Variants in ITPRID1 observed in about 807,000 individuals in gnomAD.
The protein encoded by ITPRID1 is ITPR interacting domain containing 1.
In ITPRID1, 96 loss-of-function variants were observed where a neutral mutation model predicts 95.4. The observed-to-expected ratio is 1.01, with a 90% CI of 0.85 to 1.19. ITPRID1 has a LOEUF of 1.19. Ranked by LOEUF, ITPRID1 falls within the 50% of genes most tolerant of loss-of-function variation. The pLI is 0.00. For missense variants in ITPRID1, 1,339 were observed against 1,252.9 expected, an observed-to-expected ratio of 1.07 and a Z score of -1.04; for synonymous variants, 510 against 453.6, an observed-to-expected ratio of 1.12 and a Z score of -1.58.
intron 10 of ITPRID1, among the ~76,000 whole-genome samples, chr7:31,587,069 A>G (rs1785646728): frequency 6.6e-6 from 1 of 152,214 alleles, no homozygotes; most frequent in Admixed American, 6.5e-5. Flanking sequence ...TTCCTTTTGA[A>G]AACTGGCACA....
chr7:31,595,342 G>T (rs1370819217), intron 10 of ITPRID1, among the ~76,000 whole-genome samples: 3 of 51,528 alleles, frequency 5.8e-5, no homozygotes, highest in Admixed American at 2.5e-4. Context: ...ACCATGCCCG[G>T]CCTACACACA....
intron 5 of ITPRID1, among the ~76,000 whole-genome samples, chr7:31,556,292 T>G (rs769126296): frequency 4.0e-5 from 6 of 151,656 alleles, no homozygotes; most frequent in Non-Finnish European, 8.8e-5. Context: ...TCAGCAAGAT[T>G]TTTAATAAAA....
intron 1 of ITPRID1, chr7:31,517,953 C>G (rs1783102752): frequency 6.6e-6 from 1 of 152,304 alleles, no homozygotes; most frequent in Admixed American, 6.5e-5. Context: ...TGCCTCCCCA[C>G]AACAAAGATG....
chr7:31,558,059 A>G (rs190402558), intron 5 of ITPRID1, among the ~76,000 whole-genome samples: 5 of 152,240 alleles, frequency 3.3e-5, no homozygotes. Context: ...TGAGTTATTT[A>G]TCATGGGATT....
intron 10 of ITPRID1, among the ~76,000 whole-genome samples, chr7:31,631,560 G>A (rs1357285674): frequency 6.6e-6 from 1 of 152,114 alleles, no homozygotes; most frequent in Non-Finnish European, 1.5e-5. Flanking sequence ...AAAAGCAAGA[G>A]TATTGAGCCA....
chr7:31,569,766 T>A lies in ITPRID1; in HGVS notation c.265T>A (p.Tyr89Asn). 1 of 1,584,100 alleles carries A rather than the reference T, an allele frequency of 6.3e-7. No individual in the cohort carries two copies. The highest frequency in any genetic ancestry group is 1.3e-5 in the African/African-American group (1 of 74,718). ...QQVIDRTVSL[Y>N]EQGMVQMTVK... ...TTTTTTTGTTGTTGCAGTTTCTTTG[T>A]ATGAACAAGGGATGGTTCAAATGAC... Residue 89 changes from tyrosine to asparagine, a missense_variant, in exon 6 of 15, where the codon TAT (tyrosine) becomes AAT (asparagine). Transcript: ENST00000615280.
chr7:31,630,543 T>C (rs1788899633), intron 10 of ITPRID1, among the ~76,000 whole-genome samples: 1 of 152,154 alleles, frequency 6.6e-6, no homozygotes, highest in African/African-American at 2.4e-5. Context: ...GAATTTCAGC[T>C]CAGCAGAAAA....
chr7:31,618,353 G>T (rs527281714), intron 10 of ITPRID1, among the ~76,000 whole-genome samples: 1 of 120,668 alleles, frequency 8.3e-6, no homozygotes, highest in East Asian at 2.8e-4. Flanking sequence ...TCTTTGGGAG[G>T]TTCCTCCCCT....
intron 1 of ITPRID1, among the ~76,000 whole-genome samples, chr7:31,544,183 T>C (rs934051309): frequency 1.3e-5 from 2 of 152,122 alleles, no homozygotes; most frequent in African/African-American, 2.4e-5. Flanking sequence ...CAGCTTCAAG[T>C]TTTCACCATT....
chr7:31,557,972 A>C (rs1784505502), intron 5 of ITPRID1, among the ~76,000 whole-genome samples: 1 of 152,204 alleles, frequency 6.6e-6, no homozygotes, highest in Non-Finnish European at 1.5e-5. Context: ...GACAGCATTG[A>C]AAAGTGGGAC....
intron 13 of ITPRID1, 104 bp from the exon 14 acceptor site, chr7:31,651,835 T>C: frequency 1.3e-6 from 1 of 745,340 alleles, no homozygotes; most frequent in Non-Finnish European, 2.2e-6. Context: ...TGACATTCTC[T>C]TTTAAGAAAT....
rs1032047910 is a variant in ITPRID1 at position 31,652,956 on chromosome 7, A to G, written c.*127A>G. 26 of 1,472,640 alleles carry G rather than the reference A, an allele frequency of 1.8e-5. No individual in the cohort carries two copies. In the African/African-American group the frequency reaches 3.2e-4, roughly 18 times the overall value. 91.2% of individuals were successfully genotyped at this position (1,472,640 alleles called of 1,614,324 possible). ...TTGTCAGCTATATCTCTCATATTCTACCCTTTGGTTAAACCCAAGAGGAGT... is the reference window on the plus strand; with the variant it reads ...TTGTCAGCTATATCTCTCATATTCTGCCCTTTGGTTAAACCCAAGAGGAGT... On this transcript the variant is annotated 3_prime_UTR_variant, in exon 15 of 15. Coordinates refer to ENST00000615280, the MANE Select transcript of ITPRID1 (RefSeq NM_001257967.3).
rs1374609981 is a variant in ITPRID1 at position 31,642,893 on chromosome 7, T to C, written c.1523T>C (p.Leu508Pro). The C allele has an allele frequency of 1.2e-6, 2 of 1,613,884 alleles. No homozygotes were observed. The highest frequency in any genetic ancestry group is 3.3e-5 in the Admixed American group (2 of 60,000). ...TCTGTGATGGAGGAAGAGTTTCTGC[T>C]TGAGGCCATGGAGGGGCCACCAGAG... ...SVSVMEEEFL[L>P]EAMEGPPELY... is the part of the protein sequence containing the mutation. Residue 508 changes from leucine (L) to proline (P), a missense_variant, in exon 12 of 15, where the codon CTT becomes CCT. Physicochemically the swap from Leu to Pro is moderately conservative, Grantham distance 98. Transcript: ENST00000615280.
Position 31,583,169 on chromosome 7 carries a change from T to C in ITPRID1, c.1206T>C (p.Leu402=). ...QSFEEETGNP[L]DMTSGTVGAR... is the part of the protein sequence containing the mutation. ...TTGAAGAAGAGACTGGTAATCCTCT[T>C]GACATGACTTCAGGAACTGTAGGTA... is the stretch of plus-strand genomic sequence containing the variant. The change falls in exon 10 of 15, where the codon CTT becomes CTC. Residue 402 remains leucine (L), a synonymous_variant. Transcript: ENST00000615280. The C allele has an allele frequency of 1.2e-6, 2 of 1,611,638 alleles. No individual in the cohort carries two copies. Among genetic ancestry groups the C allele is most frequent in the Non-Finnish European group, 1.7e-6 (2 of 1,178,068 alleles).
At chr7:31,529,502 T>C in intron 1 of ITPRID1, 1 of 438,332 alleles carries the variant, frequency 2.3e-6, no homozygotes, top group South Asian at 5.7e-5. Context: ...AAGTTGTTAC[T>C]AGTAACTCCT....
intron 9 of ITPRID1, among the ~76,000 whole-genome samples, chr7:31,580,333 G>A (rs1362089981): frequency 6.7e-6 from 1 of 149,516 alleles, no homozygotes; most frequent in Non-Finnish European, 1.5e-5. Context: ...AAATCAATCT[G>A]CTATTAGCTA....
chr7:31,656,027 A>T lies in ITPRID1; in HGVS notation c.*3198A>T. 1.0e-6 allele frequency: 1 copy of T among 984,496 alleles called. No homozygotes were observed. Among genetic ancestry groups the T allele is most frequent in the Non-Finnish European group, 1.2e-6 (1 of 829,066 alleles). The allele number at this position is 984,496 out of a possible 1,614,324, so 61.0% of individuals were successfully genotyped here. A position where few individuals can be genotyped will look rare whatever the true frequency, so the allele number is the denominator to read the frequency against. On this transcript the variant is annotated 3_prime_UTR_variant, in exon 15 of 15. Coordinates refer to ENST00000615280, the MANE Select transcript of ITPRID1 (RefSeq NM_001257967.3). ...TCTCCTTTGCTGAAACAAATGAAGT[A>T]TCTCACCAGTAAGTCCTAGGGCAGA...
chr7:31,636,985 G>A (rs944346921), intron 10 of ITPRID1, among the ~76,000 whole-genome samples: 5 of 149,650 alleles, frequency 3.3e-5, no homozygotes, highest in Non-Finnish European at 5.9e-5. Flanking sequence ...AACATGCGGT[G>A]TTTGGTTTTT....
intron 10 of ITPRID1, among the ~76,000 whole-genome samples, chr7:31,637,764 G>T (rs1789630884): frequency 6.6e-6 from 1 of 152,092 alleles, no homozygotes. Context: ...GTCAATTTTG[G>T]CTTTTGTTGC....
Sources: gnomAD v4.1 joint callset for allele counts (sites outside exome capture counted in the v4.1 genomes callset) on GRCh38, gnomAD v4.1.1 for gene constraint, MANE v1.5 for transcripts, NCBI Gene and HGNC (gene_info 2026-07-23, HGNC 2026-07-21) for gene names.